The following FNDC3B variants were observed in gnomAD, a reference collection of about 807,000 sequenced individuals.
The protein encoded by FNDC3B is fibronectin type III domain containing 3B.
In FNDC3B, 12 loss-of-function variants were observed where a neutral mutation model predicts 151.5. The observed-to-expected ratio is 0.08, with a 90% CI of 0.05 to 0.13. The LOEUF (loss-of-function observed/expected upper bound fraction) is 0.13. Among genes scored for constraint, FNDC3B ranks in the 10% least tolerant of loss-of-function variants. The pLI is 1.00. For synonymous variants in FNDC3B, 528 were observed against 549.0 expected, an observed-to-expected ratio of 0.96 and a Z score of 0.54; for missense variants, 1,214 against 1,505.3, an observed-to-expected ratio of 0.81 and a Z score of 3.20.
intron 22 of FNDC3B, among the ~76,000 whole-genome samples, chr3:172,361,070 C>T (rs1006768017): frequency 3.3e-5 from 5 of 152,036 alleles, no homozygotes; most frequent in Non-Finnish European, 5.9e-5. Context: ...CCTCAATAAA[C>T]CTTTAATTAT....
intron 3 of FNDC3B, among the ~76,000 whole-genome samples, chr3:172,175,527 A>G (rs1349288668): frequency 6.6e-6 from 1 of 152,214 alleles, no homozygotes; most frequent in Non-Finnish European, 1.5e-5. Context: ...GGCCATTTAG[A>G]GTATGTGTAG....
intron 6 of FNDC3B, among the ~76,000 whole-genome samples, chr3:172,276,694 G>A (rs931479143): frequency 6.6e-6 from 1 of 152,162 alleles, no homozygotes; most frequent in Non-Finnish European, 1.5e-5. Context: ...GTCATACGAT[G>A]GGAAGTATAT....
chr3:172,125,892 G>C (rs1720787777), intron 2 of FNDC3B, among the ~76,000 whole-genome samples: 1 of 152,136 alleles, frequency 6.6e-6, no homozygotes, highest in Non-Finnish European at 1.5e-5. Context: ...GTTTTAGGTT[G>C]ATGAAGGACT....
chr3:172,188,272 G>A (rs1724307689), intron 3 of FNDC3B, among the ~76,000 whole-genome samples: 1 of 152,118 alleles, frequency 6.6e-6, no homozygotes, highest in South Asian at 2.1e-4. Flanking sequence ...TGGGATTACA[G>A]GCATAAGCCA....
At chr3:172,132,142 T>A (rs762575067) in intron 2 of FNDC3B, among the ~76,000 whole-genome samples, 2 of 152,144 alleles carry the variant, frequency 1.3e-5, no homozygotes, top group Non-Finnish European at 2.9e-5. Context: ...AAAACACTGT[T>A]ATCACAAGCT....
chr3:172,186,808 G>GAT, intron 3 of FNDC3B: 1 of 693,000 alleles, frequency 1.4e-6, no homozygotes, highest in Non-Finnish European at 2.6e-6. Context: ...CTGTGTCATA[G>GAT]ATATTTCTTC....
intron 6 of FNDC3B, among the ~76,000 whole-genome samples, chr3:172,279,941 T>C (rs1729621688): frequency 6.6e-6 from 1 of 152,078 alleles, no homozygotes; most frequent in African/African-American, 2.4e-5. Flanking sequence ...TGGGGACAAG[T>C]CTCCCTCTGT....
intron 23 of FNDC3B, among the ~76,000 whole-genome samples, chr3:172,367,222 A>C (rs534045269): frequency 6.6e-6 from 1 of 152,314 alleles, no homozygotes; most frequent in African/African-American, 2.4e-5. Context: ...AGTGCTTCAT[A>C]TTTATAGAAC....
Position 172,298,712 on chromosome 3 carries a change from T to C in FNDC3B, c.1002-16T>C. 1 of 1,590,652 alleles carries C rather than the reference T, an allele frequency of 6.3e-7. No homozygotes were observed. Among genetic ancestry groups the C allele is most frequent in the Non-Finnish European group, 8.6e-7 (1 of 1,168,084 alleles). ...GAAACTGGAATTAGCAACTAATGAATGCTTTTTCTTTACAGTGGAGAAGAA... is the reference window on the plus strand; with the variant it reads ...GAAACTGGAATTAGCAACTAATGAACGCTTTTTCTTTACAGTGGAGAAGAA... On this transcript the variant is annotated splice_polypyrimidine_tract_variant and intron_variant, in intron 8 of 25. Coordinates refer to ENST00000415807, the MANE Select transcript of FNDC3B (RefSeq NM_022763.4).
At chr3:172,251,168 G>T in intron 5 of FNDC3B, 92 bp from the exon 6 acceptor site, 1 of 1,006,738 alleles carries the variant, frequency 9.9e-7, no homozygotes. Context: ...TTATACTTTA[G>T]ACTTCTTCAG....
Position 172,347,349 on chromosome 3 carries a change from C to T in FNDC3B, c.2502C>T (p.Cys834=), listed in dbSNP as rs1733663646. The T allele has an allele frequency of 1.2e-6, 2 of 1,613,302 alleles. No homozygotes were observed. Among genetic ancestry groups the T allele is most frequent in the Non-Finnish European group, 1.7e-6 (2 of 1,179,604 alleles). The change falls in exon 21 of 26, where the codon TGC becomes TGT. Residue 834 remains cysteine, a synonymous_variant. Coordinates refer to ENST00000415807, the MANE Select transcript of FNDC3B (RefSeq NM_022763.4). ...ACCTGTTGCCTGCTGCACAGTATTGCTGTAGACTACAGGTAGGTTGACATT... is the reference window on the plus strand; with the variant it reads ...ACCTGTTGCCTGCTGCACAGTATTGTTGTAGACTACAGGTAGGTTGACATT... ...IRDLLPAAQY[C]CRLQAFNQAG...
intron 3 of FNDC3B, among the ~76,000 whole-genome samples, chr3:172,135,386 G>T (rs182437540): frequency 5.3e-5 from 8 of 152,072 alleles, no homozygotes; most frequent in Admixed American, 2.6e-4. Flanking sequence ...AGGAAATGTT[G>T]CAAGTATATT....
chr3:172,117,876 A>C (rs181561553), intron 2 of FNDC3B, among the ~76,000 whole-genome samples: 7 of 152,324 alleles, frequency 4.6e-5, no homozygotes, highest in African/African-American at 1.7e-4. Context: ...CTTCTTCTTC[A>C]GAAAGTAGAA....
chr3:172,342,447 GATT>G (rs1185353169), intron 17 of FNDC3B, among the ~76,000 whole-genome samples: 2 of 152,224 alleles, frequency 1.3e-5, no homozygotes, highest in East Asian at 3.8e-4. Flanking sequence ...AGCTCTACCT[GATT>G]TTCTCCCGTC....
chr3:172,277,009 T>C (rs1729465540), intron 6 of FNDC3B, among the ~76,000 whole-genome samples: 1 of 152,210 alleles, frequency 6.6e-6, no homozygotes, highest in Non-Finnish European at 1.5e-5. Context: ...TAATGTTAAA[T>C]CTGATTGTAG....
intron 22 of FNDC3B, among the ~76,000 whole-genome samples, chr3:172,360,812 A>G (rs984589931): frequency 5.9e-5 from 9 of 152,184 alleles, no homozygotes; most frequent in African/African-American, 2.2e-4. Context: ...CACTGGTACC[A>G]CACTCTCTTG....
At chr3:172,109,310 C>T (rs573852405) in intron 1 of FNDC3B, among the ~76,000 whole-genome samples, 3 of 152,058 alleles carry the variant, frequency 2.0e-5, no homozygotes, top group South Asian at 4.1e-4. Context: ...GGACTACAGG[C>T]GCCCGCCACT....
chr3:172,310,486 G>T (rs535369961), intron 10 of FNDC3B, among the ~76,000 whole-genome samples: 1 of 152,328 alleles, frequency 6.6e-6, no homozygotes, highest in African/African-American at 2.4e-5. Flanking sequence ...CAGCTGCCTT[G>T]TTCTCACTCT....
chr3:172,368,385 C>T (rs1420654727), intron 23 of FNDC3B, among the ~76,000 whole-genome samples: 1 of 152,106 alleles, frequency 6.6e-6, no homozygotes, highest in Non-Finnish European at 1.5e-5. Context: ...GACCATGTTG[C>T]CAAATTAAAT....
Sources: gnomAD v4.1 joint callset for allele counts (sites outside exome capture counted in the v4.1 genomes callset) on GRCh38, gnomAD v4.1.1 for gene constraint, MANE v1.5 for transcripts, NCBI Gene and HGNC (gene_info 2026-07-23, HGNC 2026-07-21) for gene names.